The following ABCA12 variants were observed in gnomAD, a reference collection of about 807,000 sequenced individuals.
The protein encoded by ABCA12 is glucosylceramide transporter ABCA12.
A neutral mutation model predicts 293.5 loss-of-function variants in ABCA12; 156 were observed. The observed-to-expected ratio is 0.53, with a 90% CI of 0.47 to 0.61. The LOEUF is 0.61. ABCA12 is among the 20% of genes least tolerant of loss of function. The pLI is 0.00. For missense variants in ABCA12, 2,797 were observed against 3,090.2 expected (o/e 0.91, Z 2.25); for synonymous variants, 1,063 against 1,108.0 (o/e 0.96, Z 0.81).
intron 31 of ABCA12, among the ~76,000 whole-genome samples, chr2:214,979,269 A>G (rs1305082315): frequency 6.6e-6 from 1 of 151,262 alleles, no homozygotes; most frequent in Non-Finnish European, 1.5e-5. Flanking sequence ...CATTTGCTCT[A>G]CTCTAGCAAC....
intron 23 of ABCA12, among the ~76,000 whole-genome samples, chr2:214,993,760 C>T (rs1699976088): frequency 1.3e-5 from 2 of 152,166 alleles, no homozygotes; most frequent in African/African-American, 4.8e-5. Context: ...CAAAATAAAG[C>T]TGATGTCATG....
chr2:214,950,983 C>T lies in ABCA12; in HGVS notation c.6748G>A (p.Glu2250Lys). 1 of 1,614,156 alleles carries T rather than the reference C, an allele frequency of 6.2e-7. No individual in the cohort carries two copies. Among genetic ancestry groups the T allele is most frequent in the Non-Finnish European group, 8.5e-7 (1 of 1,180,004 alleles). ...ERLRVESGAAEFDLVQLYCLT... is the reference protein window; with the variant it reads ...ERLRVESGAAKFDLVQLYCLT... ...CAATAAAGTTGGACCAAGTCAAATT[C>T]AGCTGCACCACTCTCAACTCTTAAT... Residue 2250 changes from glutamate to lysine, a missense_variant, in exon 45 of 53, where the codon GAA (glutamate) becomes AAA (lysine). By Grantham distance (56) the Glu-to-Lys change is moderately conservative. Coordinates refer to ENST00000272895, the MANE Select transcript of ABCA12 (RefSeq NM_173076.3).
intron 1 of ABCA12, among the ~76,000 whole-genome samples, chr2:215,137,346 T>C (rs988208992): frequency 6.6e-6 from 1 of 152,210 alleles, no homozygotes; most frequent in Non-Finnish European, 1.5e-5. Context: ...CACTTTAAAA[T>C]AAAGTATATT....
intron 31 of ABCA12, among the ~76,000 whole-genome samples, chr2:214,979,566 TAA>T (rs1411235681): frequency 1.3e-5 from 2 of 151,834 alleles, no homozygotes; most frequent in Admixed American, 6.6e-5. Flanking sequence ...CTAATAGAAA[TAA>T]GTGATGTACT....
At chr2:215,113,467 T>C (rs950775402) in intron 1 of ABCA12, among the ~76,000 whole-genome samples, 1 of 152,234 alleles carries the variant, frequency 6.6e-6, no homozygotes, top group Non-Finnish European at 1.5e-5. Flanking sequence ...ATACAGATTA[T>C]GGTTCAGTAG....
At chr2:215,044,167 A>G (rs13422607) in intron 7 of ABCA12, among the ~76,000 whole-genome samples, 21,794 of 151,926 alleles carry the variant, frequency 0.14, 4,705 homozygotes, top group African/African-American at 0.47. Context: ...ATTTTCTTGG[A>G]TAAATACCCA....
At chr2:215,113,136 T>G (rs1702611908) in intron 1 of ABCA12, among the ~76,000 whole-genome samples, 1 of 152,164 alleles carries the variant, frequency 6.6e-6, no homozygotes, top group Non-Finnish European at 1.5e-5. Context: ...AGCTCTTCAA[T>G]TCACCAAAGC....
chr2:215,086,036 G>T (rs769997354), intron 2 of ABCA12, among the ~76,000 whole-genome samples: 3 of 152,202 alleles, frequency 2.0e-5, no homozygotes, highest in Non-Finnish European at 2.9e-5. Context: ...TAAGCCATGG[G>T]CAAGATACTG....
chr2:215,074,451 C>T (rs1701796185), intron 2 of ABCA12, among the ~76,000 whole-genome samples: 1 of 152,034 alleles, frequency 6.6e-6, no homozygotes, highest in African/African-American at 2.4e-5. Flanking sequence ...TATTAAAGTA[C>T]ACACTCTATA....
intron 2 of ABCA12, among the ~76,000 whole-genome samples, chr2:215,085,765 G>C (rs1218532083): frequency 6.6e-6 from 1 of 152,116 alleles, no homozygotes; most frequent in East Asian, 1.9e-4. Context: ...AGAATTATTG[G>C]GGCAGGGTGG....
At chr2:214,955,442 G>GATTAC in intron 42 of ABCA12, 81 bp from the exon 43 acceptor site, 2 of 1,429,726 alleles carry the variant, frequency 1.4e-6, no homozygotes, top group Non-Finnish European at 2.0e-6. Context: ...AACACTTTAG[G>GATTAC]AGGCTGAGGC....
At chr2:215,134,379 T>C (rs1242045006) in intron 1 of ABCA12, among the ~76,000 whole-genome samples, 2 of 139,726 alleles carry the variant, frequency 1.4e-5, no homozygotes, top group Non-Finnish European at 3.1e-5. Flanking sequence ...TATATGTATA[T>C]ATGTACATAT....
At chr2:215,053,396 G>A (rs1392291440) in intron 4 of ABCA12, among the ~76,000 whole-genome samples, 10 of 152,104 alleles carry the variant, frequency 6.6e-5, no homozygotes, top group Non-Finnish European at 1.0e-4. Context: ...CCACAGGGCT[G>A]AAGAATTTGC....
chr2:215,001,366 TACACCAACAA>T (rs1238325238), intron 21 of ABCA12, among the ~76,000 whole-genome samples, 182 bp downstream of exon 21: 2 of 152,210 alleles, frequency 1.3e-5, no homozygotes, highest in Non-Finnish European at 2.9e-5. Context: ...TAATTTGAAG[TACACCAACAA>T]AATTAGACAT....
intron 23 of ABCA12, among the ~76,000 whole-genome samples, chr2:214,992,504 C>A (rs1699936876): frequency 1.7e-5 from 2 of 116,348 alleles, no homozygotes; most frequent in African/African-American, 3.2e-5. Flanking sequence ...TTAAGCCTAT[C>A]AACCTAGTAT....
intron 1 of ABCA12, among the ~76,000 whole-genome samples, chr2:215,123,663 A>G (rs762468751): frequency 6.6e-6 from 1 of 152,188 alleles, no homozygotes; most frequent in Non-Finnish European, 1.5e-5. Flanking sequence ...TGTTTTCCAT[A>G]GTCTGAACTA....
chr2:215,134,253 T>C (rs963829758), intron 1 of ABCA12, among the ~76,000 whole-genome samples: 4 of 121,798 alleles, frequency 3.3e-5, no homozygotes, highest in Non-Finnish European at 7.0e-5. Flanking sequence ...TGTATATATG[T>C]ATATATGTAC....
Position 215,115,857 on chromosome 2 carries a change from G to C in ABCA12, c.70-4167C>G, listed in dbSNP as rs1559203062. On this transcript the variant is annotated intron_variant, in intron 1 of 52. Coordinates refer to ENST00000272895, the MANE Select transcript of ABCA12 (RefSeq NM_173076.3). ...GGAAGTGGGGCCTTAGAAGGGTGAAGAGGACATGGGCACTGAGGCAGTGAG... is the reference window on the plus strand; with the variant it reads ...GGAAGTGGGGCCTTAGAAGGGTGAACAGGACATGGGCACTGAGGCAGTGAG... Among the ~76,000 whole-genome samples the C allele has an allele frequency of 2.0e-5, 3 of 152,230 alleles. 1 individual carries two copies.
At chr2:215,027,113 G>C (rs1039853837) in intron 9 of ABCA12, among the ~76,000 whole-genome samples, 175 bp from the exon 10 acceptor site, 1 of 152,156 alleles carries the variant, frequency 6.6e-6, no homozygotes, top group Non-Finnish European at 1.5e-5. Flanking sequence ...GGGAGGCCGA[G>C]ACGAGCGGAT....
Sources: allele counts gnomAD v4.1 joint callset (sites outside exome capture counted in the v4.1 genomes callset), GRCh38; gene constraint gnomAD v4.1.1; transcripts MANE v1.5; gene names NCBI Gene and HGNC (gene_info 2026-07-23, HGNC 2026-07-21).